Variants in EXOC4 observed in about 807,000 individuals in gnomAD.
The protein encoded by EXOC4 is exocyst complex component 4.
A neutral mutation model predicts 107.2 loss-of-function variants in EXOC4; 71 were observed. The ratio of observed to expected loss-of-function variants is 0.66; its 90% CI spans 0.55 to 0.81. EXOC4 has a LOEUF of 0.81. Among genes scored for constraint, EXOC4 ranks in the 30% least tolerant of loss-of-function variants. The pLI is 0.00. For synonymous variants in EXOC4, 456 were observed against 441.2 expected, an observed-to-expected ratio of 1.03 and a Z score of -0.42; for missense variants, 1,108 against 1,189.6, an observed-to-expected ratio of 0.93 and a Z score of 1.01.
At chr7:133,322,522 G>A (rs1454583579) in intron 5 of EXOC4, among the ~76,000 whole-genome samples, 2 of 152,094 alleles carry the variant, frequency 1.3e-5, no homozygotes, top group Non-Finnish European at 2.9e-5. Flanking sequence ...AAGGTCAGAT[G>A]GTTGTAGATG....
At chr7:134,052,522 C>T (rs1294875368) in intron 17 of EXOC4, among the ~76,000 whole-genome samples, 2 of 151,200 alleles carry the variant, frequency 1.3e-5, no homozygotes, top group Admixed American at 1.3e-4. Flanking sequence ...TGTGATACCT[C>T]ATACAATTGT....
chr7:133,796,888 G>A (rs911359860), intron 10 of EXOC4, among the ~76,000 whole-genome samples: 33 of 152,176 alleles, frequency 2.2e-4, no homozygotes, highest in Non-Finnish European at 1.6e-4. Context: ...AATGAAAGAC[G>A]CTGCCATCTG....
At chr7:133,469,025 A>G (rs1798803584) in intron 7 of EXOC4, among the ~76,000 whole-genome samples, 2 of 152,174 alleles carry the variant, frequency 1.3e-5, no homozygotes, top group Non-Finnish European at 2.9e-5. Flanking sequence ...TCATGTTACT[A>G]TTTCTCATGT....
chr7:133,520,687 A>G (rs547975122), intron 9 of EXOC4, among the ~76,000 whole-genome samples: 1 of 152,196 alleles, frequency 6.6e-6, no homozygotes, highest in Non-Finnish European at 1.5e-5. Flanking sequence ...TTCTGGTGCC[A>G]TTTTTAATTT....
intron 12 of EXOC4, among the ~76,000 whole-genome samples, chr7:133,897,291 A>G (rs866029292): frequency 5.3e-5 from 8 of 152,230 alleles, no homozygotes; most frequent in Non-Finnish European, 8.8e-5. Context: ...TGCAGTCCCA[A>G]TAACCTTTTA....
chr7:134,096,760 C>T, the EXOC4 span, among the ~76,000 whole-genome samples: 1 of 152,176 alleles, frequency 6.6e-6, no homozygotes, highest in Non-Finnish European at 1.5e-5. Flanking sequence ...AGTGCTCCCA[C>T]GTTCTTCTGC....
intron 9 of EXOC4, among the ~76,000 whole-genome samples, chr7:133,568,221 T>TC (rs1311449198): frequency 6.6e-6 from 1 of 152,076 alleles, no homozygotes; most frequent in Non-Finnish European, 1.5e-5. Flanking sequence ...GCCTCTTCTT[T>TC]CCCCCTTACT....
chr7:133,671,603 G>C (rs1793947213), intron 10 of EXOC4, among the ~76,000 whole-genome samples: 1 of 152,034 alleles, frequency 6.6e-6, no homozygotes, highest in South Asian at 2.1e-4. Flanking sequence ...GATGGATTTG[G>C]CTGCCGTATG....
At chr7:133,960,889 G>A (rs879648638) in intron 14 of EXOC4, among the ~76,000 whole-genome samples, 1 of 152,166 alleles carries the variant, frequency 6.6e-6, no homozygotes, top group Non-Finnish European at 1.5e-5. Flanking sequence ...ATGCTATACT[G>A]CAGATTTTAG....
chr7:133,448,274 G>T (rs1482637324), intron 7 of EXOC4, among the ~76,000 whole-genome samples: 1 of 151,982 alleles, frequency 6.6e-6, no homozygotes, highest in African/African-American at 2.4e-5. Flanking sequence ...CTTATGCTTT[G>T]AATTCTAATT....
At chr7:133,713,803 C>T (rs1200561774) in intron 10 of EXOC4, among the ~76,000 whole-genome samples, 1 of 152,140 alleles carries the variant, frequency 6.6e-6, no homozygotes, top group Non-Finnish European at 1.5e-5. Context: ...CTTGCTTCCC[C>T]TTCACCTTCT....
chr7:133,687,769 C>A (rs183139350), intron 10 of EXOC4, among the ~76,000 whole-genome samples: 1 of 152,152 alleles, frequency 6.6e-6, no homozygotes, highest in Non-Finnish European at 1.5e-5. Context: ...TAATTTTTCT[C>A]CTAACTAGTT....
intron 1 of EXOC4, among the ~76,000 whole-genome samples, chr7:133,256,354 T>A (rs1423005628): frequency 6.6e-6 from 1 of 152,194 alleles, no homozygotes; most frequent in African/African-American, 2.4e-5. Flanking sequence ...GTTTTCAAAT[T>A]CTCTCCCAAA....
intron 16 of EXOC4, among the ~76,000 whole-genome samples, chr7:134,007,323 T>A (rs1019409211): frequency 6.6e-6 from 1 of 152,136 alleles, no homozygotes; most frequent in Admixed American, 6.5e-5. Flanking sequence ...TGCTTCCCAA[T>A]TGTGTATAAA....
chr7:133,433,318 C>T (rs754000663), intron 7 of EXOC4, among the ~76,000 whole-genome samples: 14 of 152,248 alleles, frequency 9.2e-5, no homozygotes, highest in East Asian at 3.9e-4. Flanking sequence ...TGGACTTGGT[C>T]GTGTGACTTG....
intron 10 of EXOC4, among the ~76,000 whole-genome samples, chr7:133,749,081 T>C (rs925470970): frequency 3.9e-5 from 6 of 152,212 alleles, no homozygotes; most frequent in Non-Finnish European, 8.8e-5. Context: ...CTGCCTGTTT[T>C]CATACATGAG....
chr7:133,954,361 G>T (rs1206288743), intron 14 of EXOC4, among the ~76,000 whole-genome samples: 3 of 152,178 alleles, frequency 2.0e-5, no homozygotes, highest in Non-Finnish European at 4.4e-5. Flanking sequence ...GTGTATGTGT[G>T]CCTTGAAATA....
At chr7:133,908,201 A>G (rs1554418744) in intron 12 of EXOC4, among the ~76,000 whole-genome samples, 2 of 152,248 alleles carry the variant, frequency 1.3e-5, no homozygotes, top group Non-Finnish European at 2.9e-5. Context: ...CTAGACTGGA[A>G]AGAAAATACT....
chr7:133,496,666 T>G (rs551169572), intron 9 of EXOC4, among the ~76,000 whole-genome samples: 228 of 152,336 alleles, frequency 1.5e-3, no homozygotes, highest in African/African-American at 5.4e-3. Context: ...AGTGGTTTTC[T>G]ATTTTGAATG....
Sources: gnomAD v4.1 joint callset for allele counts (sites outside exome capture counted in the v4.1 genomes callset) on GRCh38, gnomAD v4.1.1 for gene constraint, MANE v1.5 for transcripts, NCBI Gene and HGNC (gene_info 2026-07-23, HGNC 2026-07-21) for gene names.